Variants in SLC34A1 observed in about 807,000 individuals in gnomAD.
SLC34A1 encodes sodium-dependent phosphate transport protein 2A.
SLC34A1 carries 57 observed loss-of-function variants against 51.4 expected under a neutral mutation model. The ratio of observed to expected loss-of-function variants is 1.11; its 90% CI spans 0.90 to 1.38. The LOEUF (loss-of-function observed/expected upper bound fraction) is 1.38, where lower values mean the gene tolerates loss of function less well. Among genes scored for constraint, SLC34A1 ranks in the 40% most tolerant of loss-of-function variants. The pLI is 0.00. For missense variants in SLC34A1, 796 were observed against 835.6 expected (o/e 0.95, Z 0.58); for synonymous variants, 368 against 358.0 (o/e 1.03, Z -0.32).
chr5:177,387,407 C>CA (rs1175208999), intron 5 of SLC34A1, among the ~76,000 whole-genome samples: 2 of 151,954 alleles, frequency 1.3e-5, no homozygotes, highest in Non-Finnish European at 2.9e-5. Flanking sequence ...AACAAACAAA[C>CA]AAAAAAACTA....
At position 177,386,418 on chromosome 5, in the gene SLC34A1, C is replaced by A. The variant is rs189794265; in HGVS notation, c.389-5C>A. On this transcript the variant is annotated splice_polypyrimidine_tract_variant and splice_region_variant and intron_variant, in intron 4 of 12. Transcript: ENST00000324417. The surrounding 1 kb of genome is among the most constrained non-coding windows in gnomAD (Gnocchi z 4.8). ...CCTTGGACAACGCTGGCTCATGCTC[C>A]CCAGGGAAGGTGGCTGGTGACATCT... The A allele has an allele frequency of 4.3e-6, 7 of 1,614,094 alleles. No individual in the cohort carries two copies. In the East Asian group the frequency reaches 6.7e-5, roughly 15 times the overall value.
rs1198493185 is a variant in SLC34A1, at chr5:177,396,334, A to G, written c.1175-399A>G. Among the ~76,000 whole-genome samples, 1 of 152,218 alleles carries G rather than the reference A, an allele frequency of 6.6e-6. No individual in the cohort carries two copies. Among genetic ancestry groups the G allele is most frequent in the African/African-American group, 2.4e-5 (1 of 41,454 alleles). ...AGTTGCCTGACGGAGCCAGGCTGAG[A>G]AAGGCCTTCAATCCAGGAGCAAAGA... On this transcript the variant is annotated intron_variant, in intron 10 of 12. Transcript: ENST00000324417. This position sits in a 1 kb window ranked among gnomAD's most constrained non-coding sequence, Gnocchi z 4.0.
chr5:177,386,405 C>A lies in SLC34A1; in HGVS notation c.389-18C>A, dbSNP rs1479665005. The A allele has an allele frequency of 1.2e-6, 2 of 1,614,238 alleles. No homozygotes were observed. The highest frequency in any genetic ancestry group is 4.5e-5 in the East Asian group (2 of 44,886). ...GGTTCCTGAAGGGCCTTGGACAACG[C>A]TGGCTCATGCTCCCCAGGGAAGGTG... On this transcript the variant is annotated intron_variant, in intron 4 of 12. Coordinates refer to ENST00000324417, the MANE Select transcript of SLC34A1 (RefSeq NM_003052.5). The surrounding 1 kb of genome is among the most constrained non-coding windows in gnomAD (Gnocchi z 4.8).
rs2127356121 is a variant in SLC34A1 at position 177,397,988 on chromosome 5, T to C, written c.1622T>C (p.Met541Thr). 4 of 1,614,058 alleles carry C rather than the reference T, an allele frequency of 2.5e-6. No individual in the cohort carries two copies. Among genetic ancestry groups the C allele is most frequent in the Admixed American group, 3.3e-5 (2 of 60,026 alleles). The change falls in exon 13 of 13, where the codon ATG (methionine) becomes ACG (threonine). Residue 541 changes from methionine to threonine, a missense_variant. Coordinates refer to ENST00000324417, the MANE Select transcript of SLC34A1 (RefSeq NM_003052.5). ...ATCTCCATGGCAGGCTGGCAGGTCATGGTAGGTGTGGGCACGCCCTTCGGG... is the reference window on the plus strand; with the variant it reads ...ATCTCCATGGCAGGCTGGCAGGTCACGGTAGGTGTGGGCACGCCCTTCGGG... ...FGISMAGWQV[M>T]VGVGTPFGAL... is the part of the protein sequence containing the mutation.
At chr5:177,389,597 C>A (rs1319540263) in intron 8 of SLC34A1, 1 of 1,536,132 alleles carries the variant, frequency 6.5e-7, no homozygotes, top group East Asian at 2.4e-5. Context: ...TCTGAGCACT[C>A]TTAGTGCTCT....
In SLC34A1 at chr5:177,387,849, C is replaced by A. The variant is rs916622007; in HGVS notation, c.620C>A (p.Ala207Glu). The A allele has an allele frequency of 1.6e-6, 2 of 1,267,622 alleles. No individual in the cohort carries two copies. Among genetic ancestry groups the A allele is most frequent in the Non-Finnish European group, 2.1e-6 (2 of 957,524 alleles). 78.5% of individuals were successfully genotyped at this position (1,267,622 alleles called of 1,614,324 possible). ...AACACCATCGTGGCCCTGATGCAGG[C>A]GGGGGACAGGACTGACTTCCGGCGG... Reference protein sequence around the residue: ...VTNTIVALMQAGDRTDFRRAF... With the variant: ...VTNTIVALMQEGDRTDFRRAF... The change falls in exon 6 of 13, where the codon GCG (alanine) becomes GAG (glutamate). Residue 207 changes from alanine to glutamate, a missense_variant. Ala to Glu is a moderately radical substitution (Grantham distance 107). Transcript: ENST00000324417.
rs936986337 is a variant in SLC34A1 at position 177,396,319 on chromosome 5, C to G, written c.1175-414C>G. On this transcript the variant is annotated intron_variant, in intron 10 of 12. Coordinates refer to ENST00000324417, the MANE Select transcript of SLC34A1 (RefSeq NM_003052.5). The surrounding 1 kb of genome is among the most constrained non-coding windows in gnomAD (Gnocchi z 4.0). ...CCCCATCAAAGGCACAGTTGCCTGA[C>G]GGAGCCAGGCTGAGAAAGGCCTTCA... Among the ~76,000 whole-genome samples, 1 of 152,236 alleles carries G rather than the reference C, an allele frequency of 6.6e-6. No homozygotes were observed. The highest frequency in any genetic ancestry group is 3.2e-3 in the Middle Eastern group (1 of 316).
rs1325623365 is a variant in SLC34A1, at chr5:177,398,140, C to A, written c.1774C>A (p.Leu592Ile). ...GCACTCCCTGAAGCCCCTGGACCAC[C>A]TCATCACCCGCGCCACCCTATGCTG... is the stretch of plus-strand genomic sequence containing the variant. ...WMHSLKPLDH[L>I]ITRATLCCAR... is the part of the protein sequence containing the mutation. Residue 592 changes from leucine (L) to isoleucine (I), a missense_variant, in exon 13 of 13, where the codon CTC becomes ATC. Transcript: ENST00000324417. This position sits in a 1 kb window ranked among gnomAD's most constrained non-coding sequence, Gnocchi z 4.7. The A allele has an allele frequency of 6.2e-7, 1 of 1,611,338 alleles. No homozygotes were observed. The highest frequency in any genetic ancestry group is 2.2e-5 in the East Asian group (1 of 44,858).
At chr5:177,387,155 G>A (rs1356798898) in intron 5 of SLC34A1, among the ~76,000 whole-genome samples, 68 of 151,862 alleles carry the variant, frequency 4.5e-4, no homozygotes, top group Admixed American at 4.3e-3. Context: ...CAGATCACGA[G>A]GTCAGTAGAT....
chr5:177,393,966 G>A (rs1762882383), intron 9 of SLC34A1, 62 bp from the exon 10 acceptor site: 1 of 1,604,762 alleles, frequency 6.2e-7, no homozygotes, highest in South Asian at 1.1e-5. Context: ...CAACTGGGTG[G>A]CAAAGGTGGG....
intron 8 of SLC34A1, chr5:177,389,675 C>G (rs922208970): frequency 1.3e-6 from 2 of 1,537,280 alleles, no homozygotes; most frequent in Non-Finnish European, 1.7e-6. Flanking sequence ...ACACTTTGAT[C>G]TTCGCAAAAA....
chr5:177,396,711 C>T lies in SLC34A1; in HGVS notation c.1175-22C>T. Reference sequence around the variant, plus strand: ...ATGTCCCCGCTCTGACCCCAGCCTGCTGGGATGCGGTTTCCTTGCAGACTT... The same window carrying T: ...ATGTCCCCGCTCTGACCCCAGCCTGTTGGGATGCGGTTTCCTTGCAGACTT... On this transcript the variant is annotated intron_variant, in intron 10 of 12. Coordinates refer to ENST00000324417, the MANE Select transcript of SLC34A1 (RefSeq NM_003052.5). The surrounding 1 kb of genome is among the most constrained non-coding windows in gnomAD (Gnocchi z 4.0). 6.2e-7 allele frequency: 1 copy of T among 1,609,232 alleles called. No homozygotes were observed. Among genetic ancestry groups the T allele is most frequent in the East Asian group, 2.2e-5 (1 of 44,846 alleles).
intron 5 of SLC34A1, 124 bp from the exon 6 acceptor site, chr5:177,387,638 A>T: frequency 1.2e-6 from 1 of 820,472 alleles, no homozygotes; most frequent in Non-Finnish European, 2.1e-6. Context: ...CGTTAGGCAG[A>T]CTCAGCAGCA....
intron 8 of SLC34A1, chr5:177,389,509 T>TAA (rs148980219): frequency 4.2e-5 from 48 of 1,131,652 alleles, no homozygotes; most frequent in African/African-American, 2.2e-4. Flanking sequence ...CAGCCTTACA[T>TAA]AAAAAAAAAC....
chr5:177,389,977 G>A (rs546759903), intron 8 of SLC34A1: 498 of 1,381,500 alleles, frequency 3.6e-4, no homozygotes, highest in Non-Finnish European at 4.5e-4. Flanking sequence ...TGGGACCCAA[G>A]CTCTCACTTT....
chr5:177,391,074 T>A (rs941016000), intron 8 of SLC34A1, among the ~76,000 whole-genome samples: 1 of 152,046 alleles, frequency 6.6e-6, no homozygotes, highest in Non-Finnish European at 1.5e-5. Flanking sequence ...CACCACCCGC[T>A]TCAGGCCCCT....
chr5:177,387,988 G>A lies in SLC34A1; in HGVS notation c.645-6G>A. Reference sequence around the variant, plus strand: ...GCCTGCCTTGCAATGTGGCCTCCCTGCCCAGGGCCTTCGCGGGGGCCACGG... The same window carrying A: ...GCCTGCCTTGCAATGTGGCCTCCCTACCCAGGGCCTTCGCGGGGGCCACGG... On this transcript the variant is annotated splice_region_variant and splice_polypyrimidine_tract_variant and intron_variant, in intron 6 of 12. Transcript: ENST00000324417. 1 of 1,612,562 alleles carries A rather than the reference G, an allele frequency of 6.2e-7. No homozygotes were observed. Among genetic ancestry groups the A allele is most frequent in the Admixed American group, 1.7e-5 (1 of 60,008 alleles).
Position 177,398,387 on chromosome 5 carries a change from G to C in SLC34A1, c.*101G>C. ...TATGTGCATGTGCCTGTGCCACCCT[G>C]GGTGCCAGTCTCTCCTTCTGTAGCT... On this transcript the variant is annotated 3_prime_UTR_variant, in exon 13 of 13. Transcript: ENST00000324417. This position sits in a 1 kb window ranked among gnomAD's most constrained non-coding sequence, Gnocchi z 4.7. 1 of 1,381,824 alleles carries C rather than the reference G, an allele frequency of 7.2e-7. No individual in the cohort carries two copies. The allele number at this position is 1,381,824 out of a possible 1,614,324, so 85.6% of individuals were successfully genotyped here. A position where few individuals can be genotyped will look rare whatever the true frequency, so the allele number is the denominator to read the frequency against.
chr5:177,396,934 C>T lies in SLC34A1; in HGVS notation c.1292-16C>T, dbSNP rs776930684. On this transcript the variant is annotated splice_polypyrimidine_tract_variant and intron_variant, in intron 11 of 12. Coordinates refer to ENST00000324417, the MANE Select transcript of SLC34A1 (RefSeq NM_003052.5). This position sits in a 1 kb window ranked among gnomAD's most constrained non-coding sequence, Gnocchi z 4.0. ...GGAGACGCTGGGGGTCCCACTTCCT[C>T]TCCCTCTGTCCCCAGGTCTTGGTGT... 6.2e-6 allele frequency: 10 copies of T among 1,614,054 alleles called. No homozygotes were observed. The highest frequency in any genetic ancestry group is 3.3e-5 in the Admixed American group (2 of 60,008).
Sources: allele counts gnomAD v4.1 joint callset (sites outside exome capture counted in the v4.1 genomes callset), GRCh38; gene constraint gnomAD v4.1.1; non-coding constraint Gnocchi (gnomAD v3.1); transcripts MANE v1.5; gene names NCBI Gene and HGNC (gene_info 2026-07-23, HGNC 2026-07-21).